Variants in ANKH observed in about 807,000 individuals in gnomAD.
The protein encoded by ANKH is mineralization regulator ANKH.
In ANKH, 15 loss-of-function variants were observed where a neutral mutation model predicts 49.0. The ratio of observed to expected loss-of-function variants is 0.31; its 90% CI spans 0.20 to 0.47. The LOEUF (loss-of-function observed/expected upper bound fraction) is 0.47. Among genes scored for constraint, ANKH ranks in the 20% least tolerant of loss-of-function variants. The probability of loss-of-function intolerance (pLI) is 1.00; values close to 1 mark genes in which losing one functional copy is unlikely to be tolerated. For synonymous variants in ANKH, 273 were observed against 260.0 expected (o/e 1.05, Z -0.48); for missense variants, 429 against 652.0 (o/e 0.66, Z 3.72).
At chr5:14,807,208 G>A (rs1195024186) in intron 1 of ANKH, among the ~76,000 whole-genome samples, 1 of 149,974 alleles carries the variant, frequency 6.7e-6, no homozygotes, top group African/African-American at 2.5e-5. Context: ...TCCACCTCCC[G>A]GGCTCAAGTG....
intron 1 of ANKH, among the ~76,000 whole-genome samples, chr5:14,811,093 C>A (rs927599909): frequency 6.6e-6 from 1 of 152,200 alleles, no homozygotes; most frequent in African/African-American, 2.4e-5. Context: ...TGCACAGCCT[C>A]CTCACTAAGT....
rs943500382 is a variant in ANKH at position 14,735,649 on chromosome 5, C to CT, written c.1011+6177dup. Among the ~76,000 whole-genome samples the CT allele has an allele frequency of 1.4e-4, 21 of 152,148 alleles. 1 individual carries two copies. Among genetic ancestry groups the CT allele is most frequent in the African/African-American group, 5.1e-4 (21 of 41,420 alleles). ...TGCTAGGGAAGGGTCTGTTCCAGGC[C>CT]TTTCCTGGCTTCTGGTAGCTCCTGG... On this transcript the variant is annotated intron_variant, in intron 8 of 11. Coordinates refer to ENST00000284268, the MANE Select transcript of ANKH (RefSeq NM_054027.6).
chr5:14,733,469 G>A (rs1352939283), intron 8 of ANKH, among the ~76,000 whole-genome samples: 1 of 152,354 alleles, frequency 6.6e-6, no homozygotes, highest in Non-Finnish European at 1.5e-5. Context: ...AGGCCTGGGA[G>A]AGGGAAGCCA....
rs147407124 is a variant in ANKH, at chr5:14,798,966, A to G, written c.97-29775T>C. Among the ~76,000 whole-genome samples, 149 of 152,372 alleles carry G rather than the reference A, an allele frequency of 9.8e-4. 1 individual carries two copies. Among genetic ancestry groups the G allele is most frequent in the African/African-American group, 3.2e-3 (133 of 41,604 alleles). The stretch of plus-strand genomic sequence containing the variant: ...GCTTGCTACCAGCTCAGGCCAAGAA[A>G]GCTAGGCTTCCTCTATCAGTTAGCC... On this transcript the variant is annotated intron_variant, in intron 1 of 11. Transcript: ENST00000284268.
At chr5:14,852,783 T>G (rs186568383) in intron 1 of ANKH, among the ~76,000 whole-genome samples, 1 of 152,180 alleles carries the variant, frequency 6.6e-6, no homozygotes, top group Non-Finnish European at 1.5e-5. Flanking sequence ...GAATGCACAG[T>G]ATCTTCCTTT....
rs189229179 is a variant in ANKH at position 14,859,068 on chromosome 5, A to G, written c.96+12284T>C. 2.6e-3 allele frequency among the ~76,000 whole-genome samples: 399 copies of G among 152,278 alleles called. 3 individuals carry two copies. Among genetic ancestry groups the G allele is most frequent in the African/African-American group, 7.9e-3 (327 of 41,556 alleles). ...TATCATTTTAATAATTTTTAAGTGT[A>G]CAATTCAGTGGCATTAAGTATCTGC... On this transcript the variant is annotated intron_variant, in intron 1 of 11. Transcript: ENST00000284268.
Position 14,755,061 on chromosome 5 carries a change from CA to C in ANKH, c.516+799del, listed in dbSNP as rs71603737. On this transcript the variant is annotated intron_variant, in intron 4 of 11. Transcript: ENST00000284268. ...ATTCGACAAGAGCGAAACTCTGTCT[CA>C]AAAAAAAAAAAAAAAAGACATGAGA... Among the ~76,000 whole-genome samples the C allele has an allele frequency of 7.4e-3, 667 of 90,746 alleles. 1 individual carries two copies. Among genetic ancestry groups the C allele is most frequent in the African/African-American group, 0.012 (352 of 29,230 alleles). 59.5% of individuals were successfully genotyped at this position (90,746 alleles called of 152,430 possible).
intron 8 of ANKH, among the ~76,000 whole-genome samples, chr5:14,734,140 C>T (rs751947947): frequency 2.0e-5 from 3 of 152,136 alleles, no homozygotes; most frequent in African/African-American, 7.2e-5. Context: ...AATTCTTTGC[C>T]TTCTACTTTT....
At chr5:14,734,679 T>TG (rs1017256901) in intron 8 of ANKH, among the ~76,000 whole-genome samples, 1 of 152,168 alleles carries the variant, frequency 6.6e-6, no homozygotes, top group African/African-American at 2.4e-5. Flanking sequence ...TGGTGAGCAG[T>TG]GCGTGTCTGC....
At chr5:14,775,251 T>C (rs1425605914) in intron 1 of ANKH, among the ~76,000 whole-genome samples, 2 of 152,038 alleles carry the variant, frequency 1.3e-5, no homozygotes, top group Non-Finnish European at 2.9e-5. Context: ...AATTTTTTTG[T>C]AGAGATGGGG....
chr5:14,796,711 T>A (rs1185224360), intron 1 of ANKH, among the ~76,000 whole-genome samples: 1 of 152,182 alleles, frequency 6.6e-6, no homozygotes, highest in Non-Finnish European at 1.5e-5. Context: ...CCCTATTTCC[T>A]GAATAAAAGT....
chr5:14,799,144 C>T (rs939706622), intron 1 of ANKH, among the ~76,000 whole-genome samples: 2 of 152,228 alleles, frequency 1.3e-5, no homozygotes, highest in Non-Finnish European at 2.9e-5. Flanking sequence ...ACAACATTCC[C>T]TTAAGCAAAA....
Position 14,781,980 on chromosome 5 carries a change from A to G in ANKH, c.97-12789T>C, listed in dbSNP as rs532989077. Among the ~76,000 whole-genome samples, 3 of 151,584 alleles carry G rather than the reference A, an allele frequency of 2.0e-5. No individual in the cohort carries two copies. The East Asian group carries it at 5.9e-4, about 30-fold the overall frequency. ...TGGGATCCTGGGAGTCTTTTAACCA[A>G]CTCTCCCTACCTACTATCTCCCTGC... On this transcript the variant is annotated intron_variant, in intron 1 of 11. Coordinates refer to ENST00000284268, the MANE Select transcript of ANKH (RefSeq NM_054027.6).
At chr5:14,749,393 T>G in intron 5 of ANKH, 87 bp from the exon 6 acceptor site, 2 of 1,464,718 alleles carry the variant, frequency 1.4e-6, no homozygotes, top group Non-Finnish European at 1.9e-6. Context: ...TTCCTTCGTA[T>G]GTTAATCACA....
chr5:14,734,279 C>A (rs931257412), intron 8 of ANKH, among the ~76,000 whole-genome samples: 2 of 151,492 alleles, frequency 1.3e-5, no homozygotes, highest in Non-Finnish European at 2.9e-5. Context: ...TTTAAATTAG[C>A]CAATCGGAAT....
chr5:14,776,071 C>G (rs922563347), intron 1 of ANKH, among the ~76,000 whole-genome samples: 3 of 152,218 alleles, frequency 2.0e-5, no homozygotes, highest in African/African-American at 4.8e-5. Flanking sequence ...CTGGCTCATG[C>G]TTCCCACGTT....
intron 1 of ANKH, among the ~76,000 whole-genome samples, chr5:14,826,492 A>G (rs906845293): frequency 2.0e-5 from 3 of 152,166 alleles, no homozygotes; most frequent in Non-Finnish European, 4.4e-5. Context: ...CCATTTCTTC[A>G]TCTATCAAAT....
At chr5:14,739,186 G>T (rs1738276257) in intron 8 of ANKH, among the ~76,000 whole-genome samples, 1 of 152,218 alleles carries the variant, frequency 6.6e-6, no homozygotes, top group South Asian at 2.1e-4. Flanking sequence ...GGAGGCCGAG[G>T]CGGGCAGATC....
chr5:14,762,239 C>T (rs1262907224), intron 2 of ANKH, among the ~76,000 whole-genome samples: 2 of 152,202 alleles, frequency 1.3e-5, no homozygotes, highest in Non-Finnish European at 2.9e-5. Flanking sequence ...ACAGAAACAT[C>T]AAAAACAGTG....
Sources: allele counts gnomAD v4.1 joint callset (sites outside exome capture counted in the v4.1 genomes callset), GRCh38; gene constraint gnomAD v4.1.1; transcripts MANE v1.5; gene names NCBI Gene and HGNC (gene_info 2026-07-23, HGNC 2026-07-21).